Variants in HSPG2 observed in about 807,000 individuals in gnomAD.
HSPG2 encodes the protein heparan sulfate proteoglycan 2, also known as basement membrane-specific heparan sulfate proteoglycan core protein.
Under a neutral mutation model 526.6 loss-of-function variants are expected in HSPG2, and 278 were observed. The observed-to-expected ratio is 0.53, with a 90% CI of 0.48 to 0.58. HSPG2 has a LOEUF of 0.58. Ranked by LOEUF, HSPG2 falls within the 20% of genes least tolerant of loss-of-function variation. The pLI is 0.00. For missense variants in HSPG2, 5,354 were observed against 6,099.5 expected (o/e 0.88, Z 4.07); for synonymous variants, 2,465 against 2,555.4 (o/e 0.96, Z 1.07).
At position 21,876,071 on chromosome 1, in the gene HSPG2, G is replaced by A. The variant is rs370041979; in HGVS notation, c.3004-29C>T. On this transcript the variant is annotated intron_variant, in intron 23 of 96. Coordinates refer to ENST00000374695, the MANE Select transcript of HSPG2 (RefSeq NM_005529.7). ...GGACCAGGGTTAGACAGGAGCTTGC[G>A]GAGGCCTGAATTCGGGCCCTGTCAC... is the stretch of plus-strand genomic sequence containing the variant. 2.2e-5 allele frequency: 35 copies of A among 1,612,196 alleles called. No individual in the cohort carries two copies. The African/African-American group carries it at 2.9e-4, about 14-fold the overall frequency.
chr1:21,886,416 A>G (rs77707927), intron 9 of HSPG2, among the ~76,000 whole-genome samples: 2,332 of 152,238 alleles, frequency 0.015, 21 homozygotes, highest in Middle Eastern at 0.051. Context: ...AAGGAAGGCA[A>G]GGAGAAGCTG....
At chr1:21,846,281 CAG>C in intron 63 of HSPG2, 26 bp from the exon 64 acceptor site, 2 of 1,612,830 alleles carry the variant, frequency 1.2e-6, no homozygotes, top group Non-Finnish European at 8.5e-7. Flanking sequence ...GACAGAGGAA[CAG>C]AGTCAGGTGC....
At position 21,823,771 on chromosome 1, in the gene HSPG2, G is replaced by A. The variant is rs373736996; in HGVS notation, c.12900-52C>T. On this transcript the variant is annotated intron_variant, in intron 95 of 96. Coordinates refer to ENST00000374695, the MANE Select transcript of HSPG2 (RefSeq NM_005529.7). ...TTCCACAAACTTCCTGGTCCTCCCC[G>A]GCCCCACGACAGAGTCCCCTCCCTC... 1.2e-3 allele frequency: 1,762 copies of A among 1,420,256 alleles called. 2 individuals are homozygous for A. Among genetic ancestry groups the A allele is most frequent in the Middle Eastern group, 3.8e-3 (21 of 5,558 alleles). The allele number at this position is 1,420,256 out of a possible 1,614,324, so 88.0% of individuals were successfully genotyped here.
chr1:21,923,897 A>C (rs901650453), intron 1 of HSPG2, among the ~76,000 whole-genome samples: 1 of 152,210 alleles, frequency 6.6e-6, no homozygotes, highest in Non-Finnish European at 1.5e-5. Context: ...AATTAAGCTC[A>C]AAGAAGTTCA....
At chr1:21,871,344 C>T (rs564561180) in intron 33 of HSPG2, among the ~76,000 whole-genome samples, 40 of 150,068 alleles carry the variant, frequency 2.7e-4, no homozygotes, top group African/African-American at 9.8e-4. Context: ...ACTGCAACCT[C>T]CCCATCCTGG....
intron 1 of HSPG2, among the ~76,000 whole-genome samples, chr1:21,923,362 T>C (rs894824803): frequency 6.6e-6 from 1 of 151,804 alleles, no homozygotes; most frequent in African/African-American, 2.4e-5. Context: ...GCCGAGATCA[T>C]GCCATTGCAC....
In HSPG2 at chr1:21,833,348, G is replaced by C. The variant is rs1266802915; in HGVS notation, c.11015C>G (p.Ser3672Cys). 6.2e-7 allele frequency: 1 copy of C among 1,614,156 alleles called. No individual in the cohort carries two copies. Among genetic ancestry groups the C allele is most frequent in the Non-Finnish European group, 8.5e-7 (1 of 1,180,006 alleles). ...VVPYFTQTPYSFLPLPTIKDA... is the reference protein window; with the variant it reads ...VVPYFTQTPYCFLPLPTIKDA... ...CTTGATGGTGGGCAGCGGTAGGAAG[G>C]AGTAGGGGGTCTGCGTGAAGTAGGG... The change falls in exon 80 of 97, where the codon TCC (serine) becomes TGC (cysteine). Residue 3672 changes from serine to cysteine, a missense_variant. Ser to Cys is a moderately radical substitution (Grantham distance 112, BLOSUM62 -1). Transcript: ENST00000374695.
At chr1:21,901,258 G>A (rs34798947) in intron 1 of HSPG2, among the ~76,000 whole-genome samples, 1,724 of 152,194 alleles carry the variant, frequency 0.011, 22 homozygotes, top group South Asian at 0.022. Context: ...TTAGTGAGGC[G>A]TTTACTTATA....
At position 21,873,375 on chromosome 1, in the gene HSPG2, T is replaced by C; in HGVS notation, c.3793A>G (p.Arg1265Gly). The C allele has an allele frequency of 6.2e-7, 1 of 1,614,094 alleles. No homozygotes were observed. Among genetic ancestry groups the C allele is most frequent in the East Asian group, 2.2e-5 (1 of 44,878 alleles). ...CAATGACCTCCCCAATCCTACTCAC[T>C]CTGGCATGGCTGGCCCTGGCTGGGG... ...GNPSQGQPCQ[R>G]DSQVPGPIGC... The change falls in exon 30 of 97, where the codon AGA becomes GGA. Residue 1265 changes from arginine to glycine, a missense_variant and splice_region_variant. Arg to Gly is a moderately radical substitution (Grantham distance 125, BLOSUM62 -2). Coordinates refer to ENST00000374695, the MANE Select transcript of HSPG2 (RefSeq NM_005529.7).
chr1:21,931,288 G>A (rs1276554415), intron 1 of HSPG2, among the ~76,000 whole-genome samples: 7 of 152,246 alleles, frequency 4.6e-5, no homozygotes, highest in African/African-American at 1.4e-4. Flanking sequence ...GCGGCTCCCC[G>A]CGAAGTGAGT....
Position 21,872,367 on chromosome 1 carries a change from T to G in HSPG2, c.4040A>C (p.His1347Pro), listed in dbSNP as rs1234473043. ...SAYTRHLIST[H>P]FAPGDFQGFA... ...GCCTTGGAAGTCCCCAGGGGCAAAG[T>G]GGGTGGAGATCTGGCAGGGGAAAAA... The change falls in exon 33 of 97, where the codon CAC becomes CCC. Residue 1347 changes from histidine (H) to proline (P), a missense_variant. His to Pro is a moderately conservative substitution (Grantham distance 77, BLOSUM62 -2). Coordinates refer to ENST00000374695, the MANE Select transcript of HSPG2 (RefSeq NM_005529.7). The surrounding 1 kb of genome is among the most constrained non-coding windows in gnomAD (Gnocchi z 5.5). The G allele has an allele frequency of 1.3e-6, 2 of 1,570,714 alleles. No homozygotes were observed. Among genetic ancestry groups the G allele is most frequent in the African/African-American group, 2.7e-5 (2 of 73,694 alleles).
chr1:21,874,743 G>C lies in HSPG2; in HGVS notation c.3415-14C>G. On this transcript the variant is annotated splice_polypyrimidine_tract_variant and intron_variant, in intron 26 of 96. Coordinates refer to ENST00000374695, the MANE Select transcript of HSPG2 (RefSeq NM_005529.7). ...TGTGTCACAGTCCTGGGGGCAGAAA[G>C]ATGGCAGTGGGAGGGACTTCCGAAC... The C allele has an allele frequency of 6.3e-7, 1 of 1,585,472 alleles. No homozygotes were observed. Among genetic ancestry groups the C allele is most frequent in the Non-Finnish European group, 8.6e-7 (1 of 1,164,010 alleles).
At position 21,887,231 on chromosome 1, in the gene HSPG2, A is replaced by G. The variant is rs765175678; in HGVS notation, c.1062T>C (p.Thr354=). The change falls in exon 9 of 97, where the codon ACT becomes ACC. Residue 354 remains threonine, a synonymous_variant. Coordinates refer to ENST00000374695, the MANE Select transcript of HSPG2 (RefSeq NM_005529.7). This position sits in a 1 kb window ranked among gnomAD's most constrained non-coding sequence, Gnocchi z 5.0. ...CDGDFDCEDR[T]DEANCPTKRP... ...GATACTCACGGCAGTTGGCTTCATC[A>G]GTTCGGTCCTCACAGTCAAAGTCAC... The G allele has an allele frequency of 6.8e-6, 11 of 1,613,370 alleles. No individual in the cohort carries two copies. The South Asian group carries it at 1.2e-4, about 18-fold the overall frequency.
At position 21,832,569 on chromosome 1, in the gene HSPG2, C is replaced by T. The variant is rs543398392; in HGVS notation, c.11133G>A (p.Gly3711=). Reference sequence around the variant, plus strand: ...GCCGGTTGGCCAGGTTGGTGGGGCTCCCTGGGACTCGCTTCTGCCCATTGT... The same window carrying T: ...GCCGGTTGGCCAGGTTGGTGGGGCTTCCTGGGACTCGCTTCTGCCCATTGT... ...LLYNGQKRVP[G]SPTNLANRQP... The change falls in exon 81 of 97, where the codon GGG becomes GGA. Residue 3711 remains glycine (G), a synonymous_variant. Transcript: ENST00000374695. 4 of 1,614,196 alleles carry T rather than the reference C, an allele frequency of 2.5e-6. No individual in the cohort carries two copies. The highest frequency in any genetic ancestry group is 3.4e-6 in the Non-Finnish European group (4 of 1,180,018).
Position 21,896,300 on chromosome 1 carries a change from C to A in HSPG2, c.74G>T (p.Gly25Val). The A allele has an allele frequency of 6.2e-7, 1 of 1,613,408 alleles. No homozygotes were observed. Among genetic ancestry groups the A allele is most frequent in the Non-Finnish European group, 8.5e-7 (1 of 1,180,020 alleles). Residue 25 changes from glycine (G) to valine (V), a missense_variant, in exon 2 of 97, where the codon GGG becomes GTG. Physicochemically the swap from Gly to Val is moderately radical, Grantham distance 109. Transcript: ENST00000374695. Reference protein sequence around the residue: ...LHGRLLAVTHGLRAYDGLSLP... With the variant: ...LHGRLLAVTHVLRAYDGLSLP... ...AGACAAGCCATCGTATGCCCTCAGC[C>A]CATGGGTCACCTGTAAGCAAACGAG...
rs778846986 is a variant in HSPG2 at position 21,859,870 on chromosome 1, C to T, written c.5147G>A (p.Arg1716Gln). ...CTGCTGGGTGCCGCTGGGCACAGGC[C>T]GCCCATCCTCACGGGACCAATAGAA... The part of the protein sequence containing the change: ...HYFYWSREDG[R>Q]PVPSGTQQRH... Residue 1716 changes from arginine (R) to glutamine (Q), a missense_variant, in exon 41 of 97, where the codon CGG (arginine) becomes CAG (glutamine). Physicochemically the swap from Arg to Gln is conservative, Grantham distance 43. Transcript: ENST00000374695. The surrounding 1 kb of genome is among the most constrained non-coding windows in gnomAD (Gnocchi z 5.3). 66 of 1,611,280 alleles carry T rather than the reference C, an allele frequency of 4.1e-5. No homozygotes were observed. The highest frequency in any genetic ancestry group is 1.6e-4 in the Middle Eastern group (1 of 6,080).
At chr1:21,853,941 T>A in intron 50 of HSPG2, 1 of 521,942 alleles carries the variant, frequency 1.9e-6, no homozygotes, top group Non-Finnish European at 3.5e-6. Context: ...ACTCCCAGCT[T>A]AGTATTCAAC....
At chr1:21,873,505 A>G in intron 29 of HSPG2, 81 bp from the exon 30 acceptor site, 1 of 1,298,214 alleles carries the variant, frequency 7.7e-7, no homozygotes, top group East Asian at 2.3e-5. Flanking sequence ...CCCATATTGA[A>G]TTCAATGGCC....
At chr1:21,896,112 A>T (rs921925417) in intron 2 of HSPG2, 63 bp downstream of exon 2, 2 of 1,596,646 alleles carry the variant, frequency 1.3e-6, no homozygotes, top group Admixed American at 1.7e-5. Context: ...CCCCCATGCC[A>T]GTGGGAAGAA....
Sources: gnomAD v4.1 joint callset for allele counts (sites outside exome capture counted in the v4.1 genomes callset) on GRCh38, gnomAD v4.1.1 for gene constraint, Gnocchi (gnomAD v3.1) non-coding constraint, MANE v1.5 for transcripts, NCBI Gene and HGNC (gene_info 2026-07-23, HGNC 2026-07-21) for gene names.